Variants in ZCWPW2 observed in about 807,000 individuals in gnomAD.
ZCWPW2 encodes zinc finger CW-type PWWP domain protein 2.
A neutral mutation model predicts 46.6 loss-of-function variants in ZCWPW2; 45 were observed. The ratio of observed to expected loss-of-function variants is 0.96; its 90% confidence interval spans 0.76 to 1.24. The LOEUF is 1.24. Among genes scored for constraint, ZCWPW2 ranks in the 50% most tolerant of loss-of-function variants. The pLI is 0.00. For synonymous variants in ZCWPW2, 152 were observed against 137.1 expected, an observed-to-expected ratio of 1.11 and a Z score of -0.76; for missense variants, 429 against 403.9, an observed-to-expected ratio of 1.06 and a Z score of -0.53.
intron 1 of ZCWPW2, among the ~76,000 whole-genome samples, chr3:28,360,923 A>G (rs538363210): frequency 6.6e-6 from 1 of 152,284 alleles, no homozygotes; most frequent in Non-Finnish European, 1.5e-5. Flanking sequence ...TAAAATTAGA[A>G]TAAAGGGCCC....
rs1252830480 is a variant in ZCWPW2 at position 28,349,204 on chromosome 3, G to A, written c.-134+1G>A. On this transcript the variant is annotated splice_donor_variant, in intron 1 of 9. Transcript: ENST00000383768. LOFTEE classifies it low-confidence loss of function (5UTR_SPLICE). ...GGAGGCGGAGGCGGAGTGGAGTTAGGTAAGAGCGTTACCAGCCGTCTTGTC... is the reference window on the plus strand; with the variant it reads ...GGAGGCGGAGGCGGAGTGGAGTTAGATAAGAGCGTTACCAGCCGTCTTGTC... 18 of 985,456 alleles carry A rather than the reference G, an allele frequency of 1.8e-5. No homozygotes were observed. The African/African-American group carries it at 1.9e-4, about 11-fold the overall frequency. 61.0% of individuals were successfully genotyped at this position (985,456 alleles called of 1,614,324 possible).
At chr3:28,502,427 C>T (rs1700168057) in intron 6 of ZCWPW2, among the ~76,000 whole-genome samples, 1 of 151,956 alleles carries the variant, frequency 6.6e-6, no homozygotes, top group African/African-American at 2.4e-5. Context: ...TTTGCTTAAC[C>T]CTTTTTTATA....
At chr3:28,451,793 G>C (rs1350382019) in intron 4 of ZCWPW2, among the ~76,000 whole-genome samples, 1 of 152,166 alleles carries the variant, frequency 6.6e-6, no homozygotes, top group East Asian at 1.9e-4. Flanking sequence ...GTAGTGGAGT[G>C]AAACAGGATA....
intron 3 of ZCWPW2, among the ~76,000 whole-genome samples, chr3:28,432,741 A>G (rs1575127061): frequency 6.6e-6 from 1 of 152,188 alleles, no homozygotes; most frequent in East Asian, 1.9e-4. Flanking sequence ...ATACATTAAT[A>G]CTAAGTATTT....
In ZCWPW2 at chr3:28,359,832, C is replaced by T. The variant is rs1406728682; in HGVS notation, c.-134+10629C>T. 2.6e-5 allele frequency among the ~76,000 whole-genome samples: 4 copies of T among 151,968 alleles called. No homozygotes were observed. In the South Asian group the frequency reaches 6.2e-4, roughly 24 times the overall value. ...CCCCCTACACATTGTAGATTATGAT[C>T]GTCCCATCTTCTCTTGGCTAAACTT... On this transcript the variant is annotated intron_variant, in intron 1 of 9. Transcript: ENST00000383768.
chr3:28,370,132 T>C (rs1364440360), intron 1 of ZCWPW2, among the ~76,000 whole-genome samples: 1 of 152,230 alleles, frequency 6.6e-6, no homozygotes, highest in Non-Finnish European at 1.5e-5. Flanking sequence ...CTCCCTGCTT[T>C]GGCTCATGCT....
intron 2 of ZCWPW2, among the ~76,000 whole-genome samples, chr3:28,395,205 A>C (rs1452866436): frequency 2.0e-5 from 3 of 152,136 alleles, no homozygotes; most frequent in Admixed American, 2.0e-4. Flanking sequence ...TCAAAACCAC[A>C]ATGAGATAAC....
At chr3:28,413,533 C>G (rs1296079445) in intron 3 of ZCWPW2, 133 bp downstream of exon 3, 2 of 773,944 alleles carry the variant, frequency 2.6e-6, no homozygotes, top group Admixed American at 3.2e-5. Flanking sequence ...CTTTTCCATA[C>G]TTCTTTGGAT....
At chr3:28,512,734 T>C (rs1700462302) in intron 6 of ZCWPW2, among the ~76,000 whole-genome samples, 1 of 152,136 alleles carries the variant, frequency 6.6e-6, no homozygotes, top group African/African-American at 2.4e-5. Flanking sequence ...AATTCATCCA[T>C]TGAATTTTAA....
At chr3:28,351,737 T>G (rs1450224352) in intron 1 of ZCWPW2, 1 of 149,096 alleles carries the variant, frequency 6.7e-6, no homozygotes, top group Non-Finnish European at 1.5e-5. Context: ...TTTGTTTCTT[T>G]GTTGTATATT....
intron 6 of ZCWPW2, among the ~76,000 whole-genome samples, chr3:28,508,171 C>A (rs1700329798): frequency 6.6e-6 from 1 of 152,022 alleles, no homozygotes; most frequent in African/African-American, 2.4e-5. Flanking sequence ...AGAACTCACC[C>A]ACAAAGGAGG....
At chr3:28,471,805 A>G (rs1598847) in intron 4 of ZCWPW2, among the ~76,000 whole-genome samples, 33,558 of 152,136 alleles carry the variant, frequency 0.22, 4,261 homozygotes, top group Middle Eastern at 0.29. Flanking sequence ...TTTGCAGGTG[A>G]TATCATCTTA....
At chr3:28,400,271 C>A (rs564996452) in intron 2 of ZCWPW2, among the ~76,000 whole-genome samples, 2 of 151,908 alleles carry the variant, frequency 1.3e-5, no homozygotes, top group South Asian at 4.2e-4. Flanking sequence ...ATGAACAAAG[C>A]CCAAAGAAGT....
chr3:28,491,414 A>G (rs1053156617), intron 5 of ZCWPW2, among the ~76,000 whole-genome samples: 1 of 152,126 alleles, frequency 6.6e-6, no homozygotes, highest in Non-Finnish European at 1.5e-5. Flanking sequence ...TTTTTTATGA[A>G]CTATTTCATT....
At chr3:28,439,160 TATAC>T (rs200185167) in intron 4 of ZCWPW2, among the ~76,000 whole-genome samples, 21 of 150,888 alleles carry the variant, frequency 1.4e-4, no homozygotes, top group Admixed American at 4.0e-4. Flanking sequence ...TATATATATA[TATAC>T]CTACATATAA....
At chr3:28,378,054 A>G (rs920714854) in intron 1 of ZCWPW2, among the ~76,000 whole-genome samples, 2 of 152,092 alleles carry the variant, frequency 1.3e-5, no homozygotes, top group Non-Finnish European at 2.9e-5. Flanking sequence ...GAAGATCTTT[A>G]TTAAGCTTCT....
intron 3 of ZCWPW2, among the ~76,000 whole-genome samples, chr3:28,422,018 A>G (rs946008069): frequency 2.0e-5 from 3 of 151,748 alleles, no homozygotes; most frequent in Non-Finnish European, 4.4e-5. Flanking sequence ...AACACTTTAC[A>G]TTTTTATTTA....
At chr3:28,367,712 A>C (rs531734166) in intron 1 of ZCWPW2, among the ~76,000 whole-genome samples, 1 of 151,768 alleles carries the variant, frequency 6.6e-6, no homozygotes, top group African/African-American at 2.4e-5. Context: ...TTAACTTTCT[A>C]TCTCGTTGAT....
chr3:28,519,033 A>G (rs1186687308), intron 8 of ZCWPW2, among the ~76,000 whole-genome samples: 1 of 152,228 alleles, frequency 6.6e-6, no homozygotes, highest in Non-Finnish European at 1.5e-5. Flanking sequence ...GGTGATTATT[A>G]TGCCCACACA....
Sources: gnomAD v4.1 joint callset for allele counts (sites outside exome capture counted in the v4.1 genomes callset) on GRCh38, gnomAD v4.1.1 for gene constraint, MANE v1.5 for transcripts, NCBI Gene and HGNC (gene_info 2026-07-23, HGNC 2026-07-21) for gene names.